The following TTYH3 variants were observed in gnomAD, a reference collection of about 807,000 sequenced individuals.
TTYH3 encodes the protein protein tweety homolog 3.
Under a neutral mutation model 68.2 loss-of-function variants are expected in TTYH3, and 23 were observed. The ratio of observed to expected loss-of-function variants is 0.34; its 90% CI spans 0.24 to 0.48. The LOEUF (loss-of-function observed/expected upper bound fraction) is 0.48. Ranked by LOEUF, TTYH3 falls within the 20% of genes least tolerant of loss-of-function variation. The pLI is 0.99. For synonymous variants in TTYH3, 360 were observed against 332.8 expected, an observed-to-expected ratio of 1.08 and a Z score of -0.89; for missense variants, 768 against 727.7, an observed-to-expected ratio of 1.06 and a Z score of -0.64.
intron 1 of TTYH3, among the ~76,000 whole-genome samples, chr7:2,639,363 C>T (rs752373293): frequency 3.9e-5 from 6 of 152,222 alleles, no homozygotes; most frequent in East Asian, 1.9e-4. Flanking sequence ...ACACTGTCCC[C>T]GGGCCAAGAG....
Position 2,648,014 on chromosome 7 carries a change from C to G in TTYH3, c.682C>G (p.Leu228Val). The G allele has an allele frequency of 6.2e-7, 1 of 1,611,034 alleles. No individual in the cohort carries two copies. The change falls in exon 5 of 14, where the codon CTG (leucine) becomes GTG (valine). Residue 228 changes from leucine to valine, a missense_variant. Physicochemically the swap from Leu to Val is conservative, Grantham distance 32 (BLOSUM62 1). Transcript: ENST00000258796. Reference sequence around the variant, plus strand: ...GGACGTCATCATCTGCCTCCTGGTGCTGGTTGGCCTCATCCGCAGCTCCAA... The same window carrying G: ...GGACGTCATCATCTGCCTCCTGGTGGTGGTTGGCCTCATCCGCAGCTCCAA... ...LLDVIICLLV[L>V]VGLIRSSKGI...
At chr7:2,647,660 T>C (rs1786036807) in intron 4 of TTYH3, 22 bp downstream of exon 4, 1 of 1,539,822 alleles carries the variant, frequency 6.5e-7, no homozygotes, top group Non-Finnish European at 8.8e-7. Context: ...CCCTCTTCCC[T>C]GCCCGCCCCA....
At chr7:2,644,064 C>CG (rs1785921419) in intron 1 of TTYH3, among the ~76,000 whole-genome samples, 3 of 152,130 alleles carry the variant, frequency 2.0e-5, no homozygotes, top group Admixed American at 6.5e-5. Context: ...CTGACCAGCC[C>CG]GGGGCCAAGA....
At chr7:2,642,916 G>A (rs1028746812) in intron 1 of TTYH3, among the ~76,000 whole-genome samples, 1 of 151,260 alleles carries the variant, frequency 6.6e-6, no homozygotes, top group African/African-American at 2.4e-5. Flanking sequence ...TACAAAATTA[G>A]CCAGGCATTG....
chr7:2,633,233 A>G (rs1247883775), intron 1 of TTYH3, among the ~76,000 whole-genome samples: 1 of 152,120 alleles, frequency 6.6e-6, no homozygotes, highest in Non-Finnish European at 1.5e-5. Context: ...CTCTGGACGG[A>G]TCATGGCAGA....
At chr7:2,656,275 C>T in intron 10 of TTYH3, 91 bp downstream of exon 10, 1 of 1,562,940 alleles carries the variant, frequency 6.4e-7, no homozygotes, top group African/African-American at 1.3e-5. Flanking sequence ...CCTCAGCAGA[C>T]AGTGGGTCCT....
intron 8 of TTYH3, among the ~76,000 whole-genome samples, 178 bp downstream of exon 8, chr7:2,652,420 G>A (rs539556325): frequency 1.3e-5 from 2 of 152,344 alleles, no homozygotes; most frequent in East Asian, 1.9e-4. Context: ...TTACCATGCC[G>A]GTGACCTGGT....
intron 1 of TTYH3, among the ~76,000 whole-genome samples, chr7:2,634,185 C>A (rs1327336770): frequency 6.6e-6 from 1 of 152,242 alleles, no homozygotes; most frequent in East Asian, 1.9e-4. Flanking sequence ...CGGCTCTTGG[C>A]GAGGGGCTGT....
At chr7:2,650,089 C>G in intron 7 of TTYH3, 101 bp downstream of exon 7, 2 of 1,252,386 alleles carry the variant, frequency 1.6e-6, no homozygotes, top group South Asian at 2.6e-5. Context: ...CCCTGTGGGT[C>G]CATGGTCTCA....
rs1725027468 is a variant in TTYH3, at chr7:2,645,910, C to CG, written c.124-939dup. On this transcript the variant is annotated intron_variant, in intron 1 of 13. Transcript: ENST00000258796. This position sits in a 1 kb window ranked among gnomAD's most constrained non-coding sequence, Gnocchi z 4.8. ...AGGTAGGAGAGTTCTGGGCCTGAGACGGGGACGGGCTCTGGGGTCCTGGGG... is the reference window on the plus strand; with the variant it reads ...AGGTAGGAGAGTTCTGGGCCTGAGACGGGGGACGGGCTCTGGGGTCCTGGGG... 2.1e-6 allele frequency: 1 copy of CG among 466,204 alleles called. No individual in the cohort carries two copies. The highest frequency in any genetic ancestry group is 2.0e-5 in the African/African-American group (1 of 49,916). The allele number at this position is 466,204 out of a possible 1,614,324, so 28.9% of individuals were successfully genotyped here. A position where few individuals can be genotyped will look rare whatever the true frequency, so the allele number is the denominator to read the frequency against.
At chr7:2,639,221 A>G (rs928003793) in intron 1 of TTYH3, among the ~76,000 whole-genome samples, 1 of 152,150 alleles carries the variant, frequency 6.6e-6, no homozygotes, top group Non-Finnish European at 1.5e-5. Flanking sequence ...CTCGCCTGCC[A>G]CGTCCTCCCG....
intron 9 of TTYH3, among the ~76,000 whole-genome samples, chr7:2,654,702 G>A (rs1415076993): frequency 1.3e-5 from 2 of 152,268 alleles, no homozygotes; most frequent in East Asian, 1.9e-4. Flanking sequence ...CCTTTTGCTT[G>A]TAGACGCTGT....
chr7:2,659,041 T>C (rs1786418486), intron 13 of TTYH3, 26 bp downstream of exon 13: 1 of 1,597,104 alleles, frequency 6.3e-7, no homozygotes, highest in Non-Finnish European at 8.6e-7. Flanking sequence ...GGAGGGTGGA[T>C]GGGGGGCTGC....
At chr7:2,634,621 T>C (rs1785610799) in intron 1 of TTYH3, among the ~76,000 whole-genome samples, 1 of 151,952 alleles carries the variant, frequency 6.6e-6, no homozygotes, top group African/African-American at 2.4e-5. Flanking sequence ...CACGGGGGAC[T>C]GGCCTTTGTC....
intron 13 of TTYH3, chr7:2,660,396 C>T: frequency 1.0e-6 from 1 of 985,408 alleles, no homozygotes; most frequent in Non-Finnish European, 1.2e-6. Context: ...GGCATGTGGC[C>T]AGCAGGCCCT....
intron 1 of TTYH3, among the ~76,000 whole-genome samples, chr7:2,640,034 G>T (rs1785793509): frequency 1.3e-5 from 2 of 152,150 alleles, no homozygotes; most frequent in Non-Finnish European, 2.9e-5. Context: ...GTGTGACTGT[G>T]GACTCTGGAA....
At position 2,645,552 on chromosome 7, in the gene TTYH3, G is replaced by C. The variant is rs919371472; in HGVS notation, c.124-1301G>C. The C allele has an allele frequency of 1.2e-5, 4 of 320,770 alleles. No individual in the cohort carries two copies. The highest frequency in any genetic ancestry group is 8.7e-5 in the African/African-American group (4 of 46,116). The allele number at this position is 320,770 out of a possible 1,614,324, so 19.9% of individuals were successfully genotyped here. ...TCTGTCTTTTGTGTTCAGAGACCTG[G>C]GGAGAGCCACACTGGAAGGCCGTGC... On this transcript the variant is annotated intron_variant, in intron 1 of 13. Transcript: ENST00000258796. The surrounding 1 kb of genome is among the most constrained non-coding windows in gnomAD (Gnocchi z 4.8).
At chr7:2,637,463 G>T (rs1785710078) in intron 1 of TTYH3, among the ~76,000 whole-genome samples, 1 of 152,160 alleles carries the variant, frequency 6.6e-6, no homozygotes, top group African/African-American at 2.4e-5. Context: ...GGGGCCGGAA[G>T]ACTGGGCACG....
At chr7:2,660,516 G>A in intron 13 of TTYH3, 3 of 985,316 alleles carry the variant, frequency 3.0e-6, no homozygotes, top group Non-Finnish European at 3.6e-6. Flanking sequence ...GCCTGCTTGG[G>A]CTCCTTCAGG....
Sources: allele counts gnomAD v4.1 joint callset (sites outside exome capture counted in the v4.1 genomes callset), GRCh38; gene constraint gnomAD v4.1.1; non-coding constraint Gnocchi (gnomAD v3.1); transcripts MANE v1.5; gene names NCBI Gene and HGNC (gene_info 2026-07-23, HGNC 2026-07-21).